Variants in DNMT1 observed in about 807,000 individuals in gnomAD.
DNMT1 encodes the protein DNA methyltransferase 1.
In DNMT1, 24 loss-of-function variants were observed where a neutral mutation model predicts 205.3. The observed-to-expected ratio is 0.12, with a 90% CI of 0.08 to 0.16. The LOEUF is 0.16. Ranked by LOEUF, DNMT1 falls within the 10% of genes least tolerant of loss-of-function variation. The pLI, the probability that DNMT1 is intolerant of heterozygous loss-of-function variation, is 1.00. For missense variants in DNMT1, 1,293 were observed against 2,177.7 expected, an observed-to-expected ratio of 0.59 and a Z score of 8.09; for synonymous variants, 817 against 839.8, an observed-to-expected ratio of 0.97 and a Z score of 0.47.
chr19:10,138,148 G>A lies in DNMT1; in HGVS notation c.4116-139C>T. 2 of 1,160,394 alleles carry A rather than the reference G, an allele frequency of 1.7e-6. No individual in the cohort carries two copies. Among genetic ancestry groups the A allele is most frequent in the Non-Finnish European group, 2.5e-6 (2 of 808,674 alleles). 71.9% of individuals were successfully genotyped at this position (1,160,394 alleles called of 1,614,324 possible). On this transcript the variant is annotated intron_variant, in intron 35 of 40. Coordinates refer to ENST00000359526, the MANE Select transcript of DNMT1 (RefSeq NM_001130823.3). The surrounding 1 kb of genome is among the most constrained non-coding windows in gnomAD (Gnocchi z 4.1). The stretch of plus-strand genomic sequence containing the variant: ...CCCGAGGTCACATGGGTGGCAGTGT[G>A]CCTGGATGCCATCTGGAAGGGGGGA...
At chr19:10,160,091 C>T (rs766038982) in intron 14 of DNMT1, 28 bp from the exon 15 acceptor site, 68 of 1,611,312 alleles carry the variant, frequency 4.2e-5, no homozygotes, top group Non-Finnish European at 5.5e-5. Context: ...ATCACAAGAT[C>T]GTTTGTTTAA....
rs1372664954 is a variant in DNMT1, at chr19:10,151,913, A to G, written c.2020-66T>C. 8 of 1,497,954 alleles carry G rather than the reference A, an allele frequency of 5.3e-6. No homozygotes were observed. The highest frequency in any genetic ancestry group is 7.4e-6 in the Non-Finnish European group (8 of 1,075,904). The allele number at this position is 1,497,954 out of a possible 1,614,324, so 92.8% of individuals were successfully genotyped here. A position where few individuals can be genotyped will look rare whatever the true frequency, so the allele number is the denominator to read the frequency against. ...AGTGGTTCATGCCTGTAATCCCAGT[A>G]TTTCAGAAGGCCGAGGCAGGCAGAT... On this transcript the variant is annotated intron_variant, in intron 22 of 40. Transcript: ENST00000359526. The surrounding 1 kb of genome is among the most constrained non-coding windows in gnomAD (Gnocchi z 5.0).
chr19:10,149,133 G>A, intron 26 of DNMT1, 116 bp from the exon 27 acceptor site: 2 of 1,406,238 alleles, frequency 1.4e-6, no homozygotes, highest in Non-Finnish European at 2.0e-6. Flanking sequence ...AGACCAGCCT[G>A]GCCAACATGG....
chr19:10,192,760 A>G (rs1257067513), intron 1 of DNMT1, among the ~76,000 whole-genome samples: 1 of 152,078 alleles, frequency 6.6e-6, no homozygotes, highest in Non-Finnish European at 1.5e-5. Context: ...GAAGATATAT[A>G]CCCACTAACT....
At chr19:10,171,995 G>A (rs1258583870) in intron 9 of DNMT1, among the ~76,000 whole-genome samples, 1 of 150,186 alleles carries the variant, frequency 6.7e-6, no homozygotes, top group African/African-American at 2.5e-5. Context: ...TGATAGAGCG[G>A]GAGACTGTCT....
chr19:10,184,394 T>G (rs1274834542), intron 1 of DNMT1: 2 of 152,170 alleles, frequency 1.3e-5, no homozygotes, highest in Non-Finnish European at 2.9e-5. Flanking sequence ...CTTCAGGATG[T>G]CTCTAGCTAG....
chr19:10,143,940 T>C lies in DNMT1; in HGVS notation c.2942A>G (p.Asp981Gly). ...PVKRPRKEPV[D>G]EDLYPEHYRK... ...GTAGTGCTCTGGGTACAGGTCCTCA[T>C]CCACGGGCTCCTTCCGTGGGCGTTT... The change falls in exon 29 of 41, where the codon GAT becomes GGT. Residue 981 changes from aspartate to glycine, a missense_variant. Coordinates refer to ENST00000359526, the MANE Select transcript of DNMT1 (RefSeq NM_001130823.3). The C allele has an allele frequency of 6.2e-7, 1 of 1,614,138 alleles. No homozygotes were observed. Among genetic ancestry groups the C allele is most frequent in the Non-Finnish European group, 8.5e-7 (1 of 1,180,018 alleles).
Position 10,185,424 on chromosome 19 carries a change from C to CAA in DNMT1, c.81-3349_81-3348dup, listed in dbSNP as rs908115315. ...TGGGCAACAGAGCAAAACTCTGTCTCAAAAAAAAAAAAAAAAGACTGCTCT... is the reference window on the plus strand; with the variant it reads ...TGGGCAACAGAGCAAAACTCTGTCTCAAAAAAAAAAAAAAAAAAGACTGCTCT... On this transcript the variant is annotated intron_variant, in intron 1 of 40. Coordinates refer to ENST00000359526, the MANE Select transcript of DNMT1 (RefSeq NM_001130823.3). Among the ~76,000 whole-genome samples, 182 of 95,216 alleles carry CAA rather than the reference C, an allele frequency of 1.9e-3. 1 individual carries two copies. The highest frequency in any genetic ancestry group is 6.5e-3 in the African/African-American group (166 of 25,608). 62.5% of individuals were successfully genotyped at this position (95,216 alleles called of 152,430 possible). A position where few individuals can be genotyped will look rare whatever the true frequency, so the allele number is the denominator to read the frequency against.
intron 1 of DNMT1, among the ~76,000 whole-genome samples, chr19:10,189,015 G>T (rs1268021676): frequency 6.6e-6 from 1 of 152,146 alleles, no homozygotes; most frequent in African/African-American, 2.4e-5. Context: ...ACCCACATCA[G>T]ATTTCTGACC....
At chr19:10,175,651 A>G (rs2038925933) in intron 6 of DNMT1, 33 bp from the exon 7 acceptor site, 1 of 1,611,128 alleles carries the variant, frequency 6.2e-7, no homozygotes, top group Admixed American at 1.7e-5. Flanking sequence ...CCATTAGTGG[A>G]ACAAGACCCT....
At chr19:10,162,964 C>CTTTT (rs397859775) in intron 12 of DNMT1, 23 of 353,112 alleles carry the variant, frequency 6.5e-5, no homozygotes, top group South Asian at 2.5e-4. Context: ...CTAGAACAGG[C>CTTTT]TTTTTTTTTT....
chr19:10,141,391 G>C (rs372459321), intron 30 of DNMT1: 2 of 594,068 alleles, frequency 3.4e-6, no homozygotes, highest in Non-Finnish European at 3.0e-6. Flanking sequence ...CATTTGATCT[G>C]GCTGACACTG....
Position 10,143,823 on chromosome 19 carries a change from T to G in DNMT1, c.3059A>C (p.Lys1020Thr), listed in dbSNP as rs1248096623. The change falls in exon 29 of 41, where the codon AAG becomes ACG. Residue 1020 changes from lysine to threonine, a missense_variant. Transcript: ENST00000359526. ...AGTCTCATTGGGCCTGCCGTTGCTC[T>G]TCTTGGGACAGAAGATCTCTTTGAT... The part of the protein sequence containing the change: ...GRIKEIFCPK[K>T]SNGRPNETDI... 6.2e-7 allele frequency: 1 copy of G among 1,614,194 alleles called. No individual in the cohort carries two copies. The highest frequency in any genetic ancestry group is 8.5e-7 in the Non-Finnish European group (1 of 1,180,040).
In DNMT1 at chr19:10,166,638, G is replaced by A; in HGVS notation, c.851C>T (p.Ala284Val). Residue 284 changes from alanine (A) to valine (V), a missense_variant, in exon 11 of 41, where the codon GCA (alanine) becomes GTA (valine). Ala to Val is a moderately conservative substitution (Grantham distance 64). Around this residue, in one of 13 missense-constraint regions of DNMT1, gnomAD observed 394 missense variants for 451.6 expected, o/e 0.87. Coordinates refer to ENST00000359526, the MANE Select transcript of DNMT1 (RefSeq NM_001130823.3). ...TTCGTCCTCGTCAGCCTGCACGCCT[G>A]CCCTGGCTTCTCTGTCCGGCTCCTC... ...LKEEPDREARAGVQADEDEDG... is the reference protein window; with the variant it reads ...LKEEPDREARVGVQADEDEDG... 1.2e-6 allele frequency: 2 copies of A among 1,614,196 alleles called. No individual in the cohort carries two copies. Among genetic ancestry groups the A allele is most frequent in the Non-Finnish European group, 1.7e-6 (2 of 1,180,040 alleles).
intron 11 of DNMT1, among the ~76,000 whole-genome samples, chr19:10,163,614 G>T (rs953896856): frequency 4.6e-5 from 7 of 152,166 alleles, no homozygotes; most frequent in Non-Finnish European, 1.0e-4. Flanking sequence ...AACTGTTTTT[G>T]TAAGAGCCAG....
chr19:10,155,389 G>A (rs895072181), intron 19 of DNMT1, among the ~76,000 whole-genome samples: 6 of 151,876 alleles, frequency 4.0e-5, no homozygotes, highest in African/African-American at 1.5e-4. Flanking sequence ...CCAGGCTGGA[G>A]GGCAGTGGCG....
At chr19:10,194,659 A>T (rs1244048142) in intron 1 of DNMT1, 161 bp downstream of exon 1, 7 of 978,838 alleles carry the variant, frequency 7.2e-6, no homozygotes, top group South Asian at 4.2e-5. Flanking sequence ...CGCGACCGGA[A>T]GTGCCACCCT....
At position 10,151,322 on chromosome 19, in the gene DNMT1, G is replaced by A. The variant is rs2038337590; in HGVS notation, c.2265+76C>T. The stretch of plus-strand genomic sequence containing the variant: ...GGGGCTCAGGCTGCCTGAGAGGTCA[G>A]GTTGGCGAGATACTAGAGGGCAACC... On this transcript the variant is annotated intron_variant, in intron 24 of 40. Coordinates refer to ENST00000359526, the MANE Select transcript of DNMT1 (RefSeq NM_001130823.3). This position sits in a 1 kb window ranked among gnomAD's most constrained non-coding sequence, Gnocchi z 5.0. 2.5e-6 allele frequency: 4 copies of A among 1,597,312 alleles called. No homozygotes were observed. In the African/African-American group the frequency reaches 5.3e-5, roughly 21 times the overall value.
At chr19:10,177,933 TAAAA>T (rs937561804) in intron 5 of DNMT1, among the ~76,000 whole-genome samples, 2 of 115,030 alleles carry the variant, frequency 1.7e-5, no homozygotes, top group African/African-American at 3.2e-5. Context: ...CCCTGTCTCT[TAAAA>T]AAAAAAAAAA....
Sources: allele counts gnomAD v4.1 joint callset (sites outside exome capture counted in the v4.1 genomes callset), GRCh38; gene constraint gnomAD v4.1.1; regional missense constraint gnomAD v4.1.1; non-coding constraint Gnocchi (gnomAD v3.1); transcripts MANE v1.5; gene names NCBI Gene and HGNC (gene_info 2026-07-23, HGNC 2026-07-21).